Variants in GALNTL6 observed in about 807,000 individuals in gnomAD.
GALNTL6 encodes the protein polypeptide N-acetylgalactosaminyltransferase like 6, also known as polypeptide N-acetylgalactosaminyltransferase-like 6.
A neutral mutation model predicts 73.7 loss-of-function variants in GALNTL6; 46 were observed. The ratio of observed to expected loss-of-function variants is 0.62; its 90% CI spans 0.49 to 0.80. The LOEUF (loss-of-function observed/expected upper bound fraction) is 0.80, where lower values mean the gene tolerates loss of function less well. GALNTL6 is among the 30% of genes least tolerant of loss of function. GALNTL6 has a pLI of 0.00. For synonymous variants in GALNTL6, 259 were observed against 263.7 expected (o/e 0.98, Z 0.17); for missense variants, 604 against 755.0 (o/e 0.80, Z 2.34).
At chr4:172,782,641 A>T (rs1164591147) in intron 5 of GALNTL6, among the ~76,000 whole-genome samples, 3 of 152,156 alleles carry the variant, frequency 2.0e-5, no homozygotes, top group Admixed American at 2.0e-4. Context: ...CCTAAAAGAA[A>T]AGGGGAAAAG....
chr4:172,310,615 A>G (rs1740319436), intron 3 of GALNTL6, among the ~76,000 whole-genome samples: 1 of 152,116 alleles, frequency 6.6e-6, no homozygotes, highest in Admixed American at 6.6e-5. Context: ...TTGCTTTGAA[A>G]AAAATAAAAA....
At chr4:172,067,925 T>A (rs1174082339) in intron 2 of GALNTL6, among the ~76,000 whole-genome samples, 2 of 110,214 alleles carry the variant, frequency 1.8e-5, no homozygotes, top group East Asian at 4.2e-4. Context: ...TTGTTCATGC[T>A]TTGCATGTAT....
rs148680770 is a variant in GALNTL6 at position 172,208,580 on chromosome 4, C to T, written c.139-21076C>T. ...TTTTGATGGCATGTTGTAAATACTC[C>T]GCAAAGCTGGGAGGCGTTGTGTATT... On this transcript the variant is annotated intron_variant, in intron 2 of 12. Transcript: ENST00000506823. Among the ~76,000 whole-genome samples the T allele has an allele frequency of 1.9e-3, 291 of 152,004 alleles. 1 individual carries two copies. The highest frequency in any genetic ancestry group is 0.013 in the Admixed American group (193 of 15,274).
At chr4:172,971,527 G>C (rs1472284953) in intron 10 of GALNTL6, among the ~76,000 whole-genome samples, 1 of 152,176 alleles carries the variant, frequency 6.6e-6, no homozygotes, top group Admixed American at 6.5e-5. Context: ...AACAAGTGGG[G>C]AAAGTGAGTG....
intron 2 of GALNTL6, among the ~76,000 whole-genome samples, chr4:171,951,426 C>T (rs567964127): frequency 4.2e-4 from 64 of 151,886 alleles, no homozygotes; most frequent in African/African-American, 1.4e-3. Flanking sequence ...TACTTAACTG[C>T]AAGGAGAAAT....
chr4:172,542,766 A>G (rs78715342), intron 5 of GALNTL6, among the ~76,000 whole-genome samples: 4,722 of 152,228 alleles, frequency 0.031, 175 homozygotes, highest in African/African-American at 0.085. Flanking sequence ...TTACATTCCC[A>G]ACCCAGAAAA....
At chr4:171,905,101 A>G (rs1737232738) in intron 2 of GALNTL6, among the ~76,000 whole-genome samples, 1 of 152,186 alleles carries the variant, frequency 6.6e-6, no homozygotes, top group African/African-American at 2.4e-5. Context: ...GAGCAAAATA[A>G]CCAGCTAACA....
At chr4:172,840,108 A>T (rs1252504159) in intron 7 of GALNTL6, among the ~76,000 whole-genome samples, 7 of 152,218 alleles carry the variant, frequency 4.6e-5, no homozygotes, top group African/African-American at 1.7e-4. Context: ...GGAACCCTGT[A>T]AAATAAATTT....
intron 2 of GALNTL6, among the ~76,000 whole-genome samples, chr4:171,824,306 A>G (rs1318509386): frequency 6.6e-6 from 1 of 151,948 alleles, no homozygotes; most frequent in East Asian, 1.9e-4. Context: ...GTCAATATGC[A>G]CAGTGGTGAA....
At chr4:172,996,307 A>G (rs1388830269) in intron 10 of GALNTL6, among the ~76,000 whole-genome samples, 4 of 152,090 alleles carry the variant, frequency 2.6e-5, no homozygotes, top group Non-Finnish European at 5.9e-5. Flanking sequence ...CAAATATTAC[A>G]TGTTCTCACT....
At chr4:172,708,144 G>T (rs1316187648) in intron 5 of GALNTL6, among the ~76,000 whole-genome samples, 2 of 152,136 alleles carry the variant, frequency 1.3e-5, no homozygotes, top group Non-Finnish European at 2.9e-5. Flanking sequence ...TCTGCCTCCT[G>T]GACTCAAGCA....
At chr4:172,167,965 CA>C (rs70941387) in intron 2 of GALNTL6, among the ~76,000 whole-genome samples, 52,415 of 113,762 alleles carry the variant, frequency 0.46, 10,207 homozygotes, top group African/African-American at 0.57. Context: ...GACTCCGTCT[CA>C]AAAAAAAAAA....
At chr4:172,052,551 C>T (rs777454268) in intron 2 of GALNTL6, 15 of 1,506,996 alleles carry the variant, frequency 1.0e-5, no homozygotes, top group East Asian at 4.9e-5. Context: ...AAAAAGCAAA[C>T]GGCTGCAGTG....
chr4:172,207,162 C>T (rs1164602887), intron 2 of GALNTL6, among the ~76,000 whole-genome samples: 3 of 151,980 alleles, frequency 2.0e-5, no homozygotes, highest in Non-Finnish European at 4.4e-5. Flanking sequence ...TCATAGAGTT[C>T]GGCAAAGCCA....
chr4:171,922,010 T>C (rs1737801866), intron 2 of GALNTL6, among the ~76,000 whole-genome samples: 1 of 152,080 alleles, frequency 6.6e-6, no homozygotes, highest in Admixed American at 6.6e-5. Flanking sequence ...AATTTTGTAA[T>C]TCTATAATAT....
At chr4:171,844,277 C>T (rs1735314050) in intron 2 of GALNTL6, among the ~76,000 whole-genome samples, 1 of 152,006 alleles carries the variant, frequency 6.6e-6, no homozygotes, top group South Asian at 2.1e-4. Context: ...GTTTCCTTTA[C>T]CTTCATCTTC....
chr4:171,944,458 A>G (rs1377961361), intron 2 of GALNTL6, among the ~76,000 whole-genome samples: 1 of 152,076 alleles, frequency 6.6e-6, no homozygotes, highest in Non-Finnish European at 1.5e-5. Context: ...AACATTTAGT[A>G]TGAGTCTCTG....
chr4:172,887,059 C>T (rs530155193), intron 8 of GALNTL6, among the ~76,000 whole-genome samples: 6 of 152,256 alleles, frequency 3.9e-5, no homozygotes, highest in African/African-American at 1.4e-4. Context: ...GCTTATCCTC[C>T]TCTTATAAGT....
At chr4:171,894,766 C>A (rs1313243560) in intron 2 of GALNTL6, among the ~76,000 whole-genome samples, 1 of 152,014 alleles carries the variant, frequency 6.6e-6, no homozygotes, top group Non-Finnish European at 1.5e-5. Context: ...TTGAAGGGGC[C>A]TATTGTCACA....
Sources: allele counts gnomAD v4.1 joint callset (sites outside exome capture counted in the v4.1 genomes callset), GRCh38; gene constraint gnomAD v4.1.1; transcripts MANE v1.5; gene names NCBI Gene and HGNC (gene_info 2026-07-23, HGNC 2026-07-21).